Variants in COL10A1 observed in about 807,000 individuals in gnomAD.
COL10A1 encodes the protein collagen type X alpha 1 chain.
A neutral mutation model predicts 18.2 loss-of-function variants in COL10A1; 10 were observed. The observed-to-expected ratio is 0.55, with a 90% CI of 0.34 to 0.93. The LOEUF is 0.93. COL10A1 is among the 40% of genes least tolerant of loss of function. The pLI is 0.02. For missense variants in COL10A1, 897 were observed against 853.5 expected, an observed-to-expected ratio of 1.05 and a Z score of -0.64; for synonymous variants, 330 against 316.6, an observed-to-expected ratio of 1.04 and a Z score of -0.45.
At chr6:116,151,212 A>G (rs936662404) in intron 1 of COL10A1, among the ~76,000 whole-genome samples, 2 of 152,116 alleles carry the variant, frequency 1.3e-5, no homozygotes, top group Non-Finnish European at 2.9e-5. Flanking sequence ...TCACTTATAA[A>G]ATCCCATCTT....
At chr6:116,127,665 T>C (rs1479415548), upstream of COL10A1, among the ~76,000 whole-genome samples, 1 of 152,142 alleles carries the variant, frequency 6.6e-6, no homozygotes, top group Non-Finnish European at 1.5e-5. Flanking sequence ...ATGGATGCTT[T>C]TGAATGCTAG....
At chr6:116,130,495 G>A (rs989622187), upstream of COL10A1, among the ~76,000 whole-genome samples, 4 of 151,336 alleles carry the variant, frequency 2.6e-5, no homozygotes, top group South Asian at 6.3e-4. Context: ...ACCTTTCGTG[G>A]CCCAGATCTA....
the COL10A1 span, among the ~76,000 whole-genome samples, chr6:116,211,906 A>G: frequency 6.6e-6 from 1 of 151,998 alleles, no homozygotes; most frequent in Non-Finnish European, 1.5e-5. Flanking sequence ...CACACAACAC[A>G]CTGATGAACA....
Position 116,121,361 on chromosome 6 carries a change from T to C in COL10A1, c.755A>G (p.Gln252Arg). 1 of 1,613,926 alleles carries C rather than the reference T, an allele frequency of 6.2e-7. No homozygotes were observed. The highest frequency in any genetic ancestry group is 8.5e-7 in the Non-Finnish European group (1 of 1,179,932). Residue 252 changes from glutamine (Q) to arginine (R), a missense_variant, in exon 3 of 3, where the codon CAA (glutamine) becomes CGA (arginine). By Grantham distance (43) the Gln-to-Arg change is conservative. Transcript: ENST00000651968. The stretch of plus-strand genomic sequence containing the variant: ...TGGCCCTCGTTCCCCAGGAGGGCCT[T>C]GGGGACCTGGTGGGCCAATTGGTCC... The part of the protein sequence containing the change: ...EMGPIGPPGP[Q>R]GPPGERGPEG...
At chr6:116,146,293 G>T (rs1052561570) in intron 1 of COL10A1, among the ~76,000 whole-genome samples, 3 of 152,154 alleles carry the variant, frequency 2.0e-5, no homozygotes, top group African/African-American at 7.2e-5. Context: ...AACAAAGGTG[G>T]CTATGTACTT....
At chr6:116,200,883 T>C in the COL10A1 span, among the ~76,000 whole-genome samples, 1 of 152,032 alleles carries the variant, frequency 6.6e-6, no homozygotes, top group African/African-American at 2.4e-5. Flanking sequence ...TATGCTCCCT[T>C]CTTCTTCCCC....
At chr6:116,191,345 C>G in the COL10A1 span, among the ~76,000 whole-genome samples, 1 of 151,878 alleles carries the variant, frequency 6.6e-6, no homozygotes, top group East Asian at 1.9e-4. Flanking sequence ...AACAAACAAA[C>G]AAAAGAAACC....
the COL10A1 span, among the ~76,000 whole-genome samples, chr6:116,179,802 G>A: frequency 2.2e-3 from 340 of 152,134 alleles, 1 homozygote; most frequent in Middle Eastern, 0.041. Context: ...GGATAACTTA[G>A]AGTAATCTTA....
At chr6:116,198,265 C>T in the COL10A1 span, among the ~76,000 whole-genome samples, 8 of 152,042 alleles carry the variant, frequency 5.3e-5, no homozygotes, top group Non-Finnish European at 7.4e-5. Flanking sequence ...CGTAACTATT[C>T]CACACAGCTT....
chr6:116,138,862 T>G (rs1366261159), intron 1 of COL10A1, among the ~76,000 whole-genome samples: 1 of 152,172 alleles, frequency 6.6e-6, no homozygotes, highest in Non-Finnish European at 1.5e-5. Context: ...AGATAGTGAA[T>G]ATTTTTTCAG....
intron 1 of COL10A1, among the ~76,000 whole-genome samples, chr6:116,155,458 T>C (rs1382853782): frequency 1.3e-5 from 2 of 152,164 alleles, no homozygotes; most frequent in African/African-American, 4.8e-5. Flanking sequence ...TGAATTAACA[T>C]GGCCTAAAAT....
At chr6:116,195,001 C>G in the COL10A1 span, among the ~76,000 whole-genome samples, 1 of 152,036 alleles carries the variant, frequency 6.6e-6, no homozygotes, top group Non-Finnish European at 1.5e-5. Context: ...CTAAAGTTAC[C>G]TCACCTTCAC....
At chr6:116,150,804 T>A (rs376886606) in intron 1 of COL10A1, among the ~76,000 whole-genome samples, 1 of 152,196 alleles carries the variant, frequency 6.6e-6, no homozygotes, top group African/African-American at 2.4e-5. Context: ...TGGAGAACCT[T>A]GGAGTCTTAT....
the COL10A1 span, among the ~76,000 whole-genome samples, chr6:116,212,747 ACTCTGTATT>A: frequency 6.6e-6 from 1 of 152,004 alleles, no homozygotes; most frequent in South Asian, 2.1e-4. Context: ...TGCTATAATC[ACTCTGTATT>A]TCAGCAATTG....
At chr6:116,172,775 G>C in the COL10A1 span, among the ~76,000 whole-genome samples, 3 of 152,092 alleles carry the variant, frequency 2.0e-5, no homozygotes, top group African/African-American at 7.2e-5. Flanking sequence ...ATCAAAAATA[G>C]TCAAAACTCT....
upstream of COL10A1, among the ~76,000 whole-genome samples, chr6:116,128,985 G>A (rs138126495): frequency 3.9e-5 from 6 of 152,244 alleles, no homozygotes; most frequent in African/African-American, 1.2e-4. Context: ...CTATATGCCT[G>A]TCATTCAAAC....
chr6:116,182,936 T>G, the COL10A1 span, among the ~76,000 whole-genome samples: 1 of 152,152 alleles, frequency 6.6e-6, no homozygotes, highest in Non-Finnish European at 1.5e-5. Context: ...TTCTTGATCA[T>G]GAAGTCTTTG....
chr6:116,139,497 T>C (rs924541301), intron 1 of COL10A1, among the ~76,000 whole-genome samples: 39 of 152,288 alleles, frequency 2.6e-4, no homozygotes, highest in African/African-American at 8.9e-4. Context: ...ATACACATTG[T>C]ATACTACAGT....
intron 1 of COL10A1, among the ~76,000 whole-genome samples, chr6:116,157,383 A>C (rs1266192460): frequency 2.0e-5 from 3 of 152,224 alleles, no homozygotes; most frequent in Non-Finnish European, 4.4e-5. Flanking sequence ...GTCTTTGGCC[A>C]CTGCTATCTT....
Sources: allele counts gnomAD v4.1 joint callset (sites outside exome capture counted in the v4.1 genomes callset), GRCh38; gene constraint gnomAD v4.1.1; transcripts MANE v1.5; gene names NCBI Gene and HGNC (gene_info 2026-07-23, HGNC 2026-07-21).